Variants in YTHDF1 observed in about 807,000 individuals in gnomAD.
The protein encoded by YTHDF1 is YTH N6-methyladenosine RNA binding protein F1, also known as YTH domain-containing family protein 1.
A neutral mutation model predicts 49.1 loss-of-function variants in YTHDF1; 16 were observed. The observed-to-expected ratio is 0.33, with a 90% CI of 0.22 to 0.49. The LOEUF is 0.49. Ranked by LOEUF, YTHDF1 falls within the 20% of genes least tolerant of loss-of-function variation. The probability of loss-of-function intolerance (pLI) is 0.99; values close to 1 mark genes in which losing one functional copy is unlikely to be tolerated. For synonymous variants in YTHDF1, 313 were observed against 290.1 expected (o/e 1.08, Z -0.80); for missense variants, 621 against 744.3 (o/e 0.83, Z 1.93).
Position 63,215,993 on chromosome 20 carries a change from C to A in YTHDF1, c.-101G>T, listed in dbSNP as rs1391901448. On this transcript the variant is annotated 5_prime_UTR_variant, in exon 1 of 5. Transcript: ENST00000370339. The stretch of plus-strand genomic sequence containing the variant: ...TAGCTCGCGCGGCCCCGGGCCCCGC[C>A]GCCAATTCCCCGGGCGCCGGCCGGG... 9.2e-7 allele frequency: 1 copy of A among 1,092,226 alleles called. No individual in the cohort carries two copies. The highest frequency in any genetic ancestry group is 1.1e-6 in the Non-Finnish European group (1 of 890,934). 67.7% of individuals were successfully genotyped at this position (1,092,226 alleles called of 1,614,324 possible).
intron 4 of YTHDF1, among the ~76,000 whole-genome samples, chr20:63,199,876 T>G (rs112750048): frequency 0.18 from 27,508 of 151,846 alleles, 2,633 homozygotes; most frequent in East Asian, 0.35. Context: ...CTGGGCAACA[T>G]AGCAAGACAC....
rs1269748523 is a variant in YTHDF1 at position 63,202,899 on chromosome 20, A to G, written c.1041T>C (p.Asp347=). 6 of 1,613,924 alleles carry G rather than the reference A, an allele frequency of 3.7e-6. No individual in the cohort carries two copies. The highest frequency in any genetic ancestry group is 5.1e-6 in the Non-Finnish European group (6 of 1,180,042). The part of the protein sequence containing the change: ...AFGQSGGAGS[D]SNSPGNVQPN... ...GCTGGACGTTTCCAGGAGAGTTGCT[A>G]TCGCTGCCAGCCCCTCCGCTCTGCC... The change falls in exon 4 of 5, where the codon GAT becomes GAC. Residue 347 remains aspartate (D), a synonymous_variant. Transcript: ENST00000370339.
In YTHDF1 at chr20:63,203,878, G is replaced by T; in HGVS notation, c.133-71C>A. ...ATGCTGAGAATGCCAACCGCCTCTTGCTTAAGCACAGGTGGAGCAAAAACA... is the reference window on the plus strand; with the variant it reads ...ATGCTGAGAATGCCAACCGCCTCTTTCTTAAGCACAGGTGGAGCAAAAACA... On this transcript the variant is annotated intron_variant, in intron 3 of 4. Coordinates refer to ENST00000370339, the MANE Select transcript of YTHDF1 (RefSeq NM_017798.4). This position sits in a 1 kb window ranked among gnomAD's most constrained non-coding sequence, Gnocchi z 4.4. 1 of 1,450,964 alleles carries T rather than the reference G, an allele frequency of 6.9e-7. No homozygotes were observed. Among genetic ancestry groups the T allele is most frequent in the Non-Finnish European group, 9.3e-7 (1 of 1,079,364 alleles). 89.9% of individuals were successfully genotyped at this position (1,450,964 alleles called of 1,614,324 possible). A position where few individuals can be genotyped will look rare whatever the true frequency, so the allele number is the denominator to read the frequency against.
At chr20:63,209,383 C>T (rs2066563177) in intron 3 of YTHDF1, among the ~76,000 whole-genome samples, 1 of 152,166 alleles carries the variant, frequency 6.6e-6, no homozygotes, top group Non-Finnish European at 1.5e-5. Flanking sequence ...ACAAATATAT[C>T]ATATAGCTGT....
rs919580416 is a variant in YTHDF1, at chr20:63,202,960, C to T, written c.980G>A (p.Arg327His). 8 of 1,613,866 alleles carry T rather than the reference C, an allele frequency of 5.0e-6. No individual in the cohort carries two copies. Among genetic ancestry groups the T allele is most frequent in the Non-Finnish European group, 6.8e-6 (8 of 1,180,030 alleles). Residue 327 changes from arginine (R) to histidine (H), a missense_variant, in exon 4 of 5, where the codon CGC (arginine) becomes CAC (histidine). Coordinates refer to ENST00000370339, the MANE Select transcript of YTHDF1 (RefSeq NM_017798.4). The stretch of plus-strand genomic sequence containing the variant: ...GTTTCTGTTGCGTGGGGCAACCCAG[C>T]GGGTCTGGGGTGGCTGCTGAGGGCT... ...YQSPQQPPQTRWVAPRNRNAA... is the reference protein window; with the variant it reads ...YQSPQQPPQTHWVAPRNRNAA...
intron 2 of YTHDF1, 145 bp downstream of exon 2, chr20:63,215,432 A>T (rs1198842323): frequency 1.8e-6 from 2 of 1,093,892 alleles, no homozygotes; most frequent in Non-Finnish European, 2.7e-6. Flanking sequence ...CAAATCTCCC[A>T]GAATCGTCGC....
At chr20:63,198,854 A>G (rs554561465) in intron 4 of YTHDF1, among the ~76,000 whole-genome samples, 1 of 152,340 alleles carries the variant, frequency 6.6e-6, no homozygotes, top group African/African-American at 2.4e-5. Context: ...CAATGCTCAC[A>G]GTGTGGGACG....
chr20:63,204,032 T>C (rs911816027), intron 3 of YTHDF1, among the ~76,000 whole-genome samples: 5 of 152,182 alleles, frequency 3.3e-5, no homozygotes, highest in Admixed American at 6.5e-5. Flanking sequence ...CGAAGCATCA[T>C]TGGCAAGGCT....
At chr20:63,210,656 C>T (rs761862732) in intron 3 of YTHDF1, among the ~76,000 whole-genome samples, 7 of 152,030 alleles carry the variant, frequency 4.6e-5, no homozygotes, top group Non-Finnish European at 8.8e-5. Context: ...GGCGTGGTGG[C>T]GCGTGCCTGT....
chr20:63,207,749 G>A (rs1164002649), intron 3 of YTHDF1, among the ~76,000 whole-genome samples: 5 of 152,144 alleles, frequency 3.3e-5, no homozygotes, highest in African/African-American at 1.2e-4. Context: ...GCTCTGGCCT[G>A]TAATCCCAGC....
At chr20:63,212,309 T>C (rs2066578471) in intron 3 of YTHDF1, among the ~76,000 whole-genome samples, 1 of 152,158 alleles carries the variant, frequency 6.6e-6, no homozygotes, top group Non-Finnish European at 1.5e-5. Flanking sequence ...AGCTGCTTGA[T>C]TCGCCAAGTG....
At position 63,196,115 on chromosome 20, in the gene YTHDF1, G is replaced by A. The variant is rs6122392; in HGVS notation, c.*593C>T. On this transcript the variant is annotated 3_prime_UTR_variant, in exon 5 of 5. Transcript: ENST00000370339. The stretch of plus-strand genomic sequence containing the variant: ...TGTTCAGTGGGCAACAGATCTGGAA[G>A]GAAAGATTTTCAAAAAAAAAAAAAA... 4 of 149,324 alleles carry A rather than the reference G, an allele frequency of 2.7e-5. No homozygotes were observed. The highest frequency in any genetic ancestry group is 7.4e-5 in the African/African-American group (3 of 40,518). 9.2% of individuals were successfully genotyped at this position (149,324 alleles called of 1,614,324 possible).
rs577008731 is a variant in YTHDF1 at position 63,216,005 on chromosome 20, G to A, written c.-113C>T. ...CCCCGGGCCCCGCCGCCAATTCCCC[G>A]GGCGCCGGCCGGGCGGCGGCGGCGG... On this transcript the variant is annotated 5_prime_UTR_variant, in exon 1 of 5. Transcript: ENST00000370339. The A allele has an allele frequency of 0.027, 27,412 of 1,003,478 alleles. 427 individuals carry two copies. Among genetic ancestry groups the A allele is most frequent in the Non-Finnish European group, 0.031 (25,470 of 826,192 alleles). The allele number at this position is 1,003,478 out of a possible 1,614,324, so 62.2% of individuals were successfully genotyped here.
intron 3 of YTHDF1, among the ~76,000 whole-genome samples, chr20:63,209,942 A>C (rs952667104): frequency 6.6e-6 from 1 of 152,202 alleles, no homozygotes; most frequent in African/African-American, 2.4e-5. Flanking sequence ...GTTTCTAGTA[A>C]GTAGGCAGAA....
chr20:63,198,929 T>C (rs1048921508), intron 4 of YTHDF1, among the ~76,000 whole-genome samples: 12 of 152,152 alleles, frequency 7.9e-5, no homozygotes, highest in Non-Finnish European at 1.3e-4. Context: ...AACCAAAAAA[T>C]GTATCAACCC....
intron 3 of YTHDF1, among the ~76,000 whole-genome samples, chr20:63,213,553 A>G (rs994488500): frequency 1.2e-4 from 19 of 152,216 alleles, no homozygotes; most frequent in Admixed American, 2.0e-4. Context: ...AGGAAGCTTC[A>G]GAAACACACA....
At chr20:63,209,966 G>T (rs927100990) in intron 3 of YTHDF1, among the ~76,000 whole-genome samples, 2 of 152,264 alleles carry the variant, frequency 1.3e-5, no homozygotes, top group Non-Finnish European at 1.5e-5. Context: ...GCTCTTAAAA[G>T]TATAGCAAAT....
chr20:63,212,247 G>A (rs990190568), intron 3 of YTHDF1, among the ~76,000 whole-genome samples: 1 of 152,208 alleles, frequency 6.6e-6, no homozygotes, highest in African/African-American at 2.4e-5. Context: ...CAGGGTCGGA[G>A]CGCGGGGCAG....
At position 63,202,309 on chromosome 20, in the gene YTHDF1, T is replaced by A; in HGVS notation, c.1631A>T (p.Glu544Val). Reference protein sequence around the residue: ...DDFAHYEKRQEEEEVVRKERQ... With the variant: ...DDFAHYEKRQVEEEVVRKERQ... ...CACCTTGCGCACCACCTCCTCCTCCTCCTGGCGCTTCTCGTAGTGAGCAAA... is the reference window on the plus strand; with the variant it reads ...CACCTTGCGCACCACCTCCTCCTCCACCTGGCGCTTCTCGTAGTGAGCAAA... The change falls in exon 4 of 5, where the codon GAG (glutamate) becomes GTG (valine). Residue 544 changes from glutamate to valine, a missense_variant. Glu to Val is a moderately radical substitution (Grantham distance 121). This residue lies in a region of YTHDF1 where 151 missense variants were observed against 248.5 expected (regional missense o/e 0.61). Transcript: ENST00000370339. 1 of 1,613,672 alleles carries A rather than the reference T, an allele frequency of 6.2e-7. No homozygotes were observed. The highest frequency in any genetic ancestry group is 8.5e-7 in the Non-Finnish European group (1 of 1,179,582).
Sources: allele counts gnomAD v4.1 joint callset (sites outside exome capture counted in the v4.1 genomes callset), GRCh38; gene constraint gnomAD v4.1.1; regional missense constraint gnomAD v4.1.1; non-coding constraint Gnocchi (gnomAD v3.1); transcripts MANE v1.5; gene names NCBI Gene and HGNC (gene_info 2026-07-23, HGNC 2026-07-21).